Variants in GRIP1 observed in about 807,000 individuals in gnomAD.
GRIP1 encodes the protein glutamate receptor interacting protein 1.
GRIP1 carries 45 observed loss-of-function variants against 129.9 expected under a neutral mutation model. The ratio of observed to expected loss-of-function variants is 0.35; its 90% CI spans 0.27 to 0.44. The LOEUF is 0.44. GRIP1 is among the 20% of genes least tolerant of loss of function. The pLI is 1.00. For synonymous variants in GRIP1, 530 were observed against 520.8 expected (o/e 1.02, Z -0.24); for missense variants, 1,196 against 1,396.8 (o/e 0.86, Z 2.29).
chr12:66,940,324 C>T (rs2041564278), intron 1 of GRIP1, among the ~76,000 whole-genome samples: 1 of 152,098 alleles, frequency 6.6e-6, no homozygotes, highest in African/African-American at 2.4e-5. Context: ...GGATAATATG[C>T]ACCATGAAAT....
intron 1 of GRIP1, among the ~76,000 whole-genome samples, chr12:66,820,541 C>G (rs1168769415): frequency 6.6e-6 from 1 of 152,102 alleles, no homozygotes; most frequent in Non-Finnish European, 1.5e-5. Context: ...TGTCCATGTA[C>G]AAACCTGCAC....
rs116527561 is a variant in GRIP1, at chr12:66,415,891, A to T, written c.1838+4829T>A. On this transcript the variant is annotated intron_variant, in intron 15 of 24. Coordinates refer to ENST00000359742, the MANE Select transcript of GRIP1 (RefSeq NM_001366722.1). ...CGATGAGGACACATGGACACATTGG[A>T]AACAACAACATACACTGGGGCCTGT... Among the ~76,000 whole-genome samples, 1,019 of 152,176 alleles carry T rather than the reference A, an allele frequency of 6.7e-3. 11 individuals carry two copies. Among genetic ancestry groups the T allele is most frequent in the African/African-American group, 0.024 (979 of 41,504 alleles).
chr12:66,367,048 C>T (rs927120994), intron 23 of GRIP1, among the ~76,000 whole-genome samples: 3 of 152,256 alleles, frequency 2.0e-5, no homozygotes, highest in Admixed American at 6.5e-5. Context: ...TACAAAAAAT[C>T]GTTCTGCCTT....
chr12:66,378,486 A>C (rs1481280023), intron 20 of GRIP1, among the ~76,000 whole-genome samples: 1 of 147,630 alleles, frequency 6.8e-6, no homozygotes, highest in Non-Finnish European at 1.5e-5. Context: ...GGTGGCTCAC[A>C]CCTGTAATCC....
intron 1 of GRIP1, among the ~76,000 whole-genome samples, chr12:66,629,426 C>T (rs2030491311): frequency 6.6e-6 from 1 of 152,224 alleles, no homozygotes; most frequent in African/African-American, 2.4e-5. Context: ...AGCTCCTATA[C>T]TTCATCTCCG....
At chr12:66,778,511 T>A (rs2136770423) in intron 1 of GRIP1, among the ~76,000 whole-genome samples, 1 of 152,290 alleles carries the variant, frequency 6.6e-6, no homozygotes, top group Admixed American at 6.5e-5. Flanking sequence ...GCTGGATTTG[T>A]TTCTAGAGGA....
intron 14 of GRIP1, among the ~76,000 whole-genome samples, chr12:66,421,963 T>C (rs922666227): frequency 6.6e-6 from 1 of 152,172 alleles, no homozygotes; most frequent in Admixed American, 6.5e-5. Flanking sequence ...TCCTTAAAAT[T>C]AGCCATACCA....
chr12:67,061,446 T>C (rs1417593884), intron 1 of GRIP1, among the ~76,000 whole-genome samples: 3 of 152,216 alleles, frequency 2.0e-5, no homozygotes, highest in Admixed American at 6.5e-5. Flanking sequence ...GGAAAATGGC[T>C]AAGAGACAGA....
chr12:66,565,750 T>C (rs1433728539), intron 2 of GRIP1, among the ~76,000 whole-genome samples: 1 of 152,226 alleles, frequency 6.6e-6, no homozygotes, highest in Non-Finnish European at 1.5e-5. Context: ...ATTCTTCCTA[T>C]CCATGAGCAT....
intron 3 of GRIP1, among the ~76,000 whole-genome samples, chr12:66,540,577 A>G (rs2061744363): frequency 6.6e-6 from 1 of 152,200 alleles, no homozygotes; most frequent in Non-Finnish European, 1.5e-5. Flanking sequence ...AGCCTCCCTT[A>G]CAAACAATAA....
intron 1 of GRIP1, among the ~76,000 whole-genome samples, chr12:66,983,188 A>G (rs965241773): frequency 2.0e-5 from 3 of 152,214 alleles, no homozygotes; most frequent in Non-Finnish European, 2.9e-5. Context: ...TTGTTACAAA[A>G]GAAAAAGAAA....
At chr12:66,492,618 A>G (rs142041771) in intron 7 of GRIP1, among the ~76,000 whole-genome samples, 3 of 152,314 alleles carry the variant, frequency 2.0e-5, no homozygotes, top group Admixed American at 2.0e-4. Context: ...CATAAAATAA[A>G]TAAAATTTCC....
At chr12:67,054,037 C>T (rs937232362) in intron 1 of GRIP1, among the ~76,000 whole-genome samples, 17 of 152,196 alleles carry the variant, frequency 1.1e-4, no homozygotes, top group Admixed American at 1.0e-3. Context: ...CTATTTGTGG[C>T]AGGAGAGGAG....
chr12:66,620,459 T>C (rs1246408420), intron 1 of GRIP1, among the ~76,000 whole-genome samples: 1 of 152,090 alleles, frequency 6.6e-6, no homozygotes, highest in East Asian at 1.9e-4. Context: ...CATTCCTGAG[T>C]AGGCTGCTTT....
chr12:66,916,835 C>T (rs1183606441), intron 1 of GRIP1, among the ~76,000 whole-genome samples: 1 of 152,104 alleles, frequency 6.6e-6, no homozygotes, highest in Non-Finnish European at 1.5e-5. Context: ...GATTGAAAGG[C>T]ATTTACCCTA....
chr12:66,404,747 T>C (rs1024770886), intron 16 of GRIP1, among the ~76,000 whole-genome samples: 2 of 152,156 alleles, frequency 1.3e-5, no homozygotes, highest in African/African-American at 4.8e-5. Context: ...GGCAAAAATC[T>C]ATGGCCAGGC....
intron 1 of GRIP1, among the ~76,000 whole-genome samples, chr12:66,661,459 C>CAAA (rs576128556): frequency 4.6e-5 from 2 of 43,214 alleles, no homozygotes; most frequent in African/African-American, 6.9e-5. Context: ...TAGATTTTGG[C>CAAA]AAAAAAAAAA....
rs2056640199 is a variant in GRIP1, at chr12:66,392,748, A to C, written c.2198T>G (p.Leu733Arg). The C allele has an allele frequency of 6.2e-7, 1 of 1,613,816 alleles. No individual in the cohort carries two copies. The highest frequency in any genetic ancestry group is 1.1e-5 in the South Asian group (1 of 91,084). The part of the protein sequence containing the change: ...INSSSLKGKP[L>R]SEAIHLLQMA... ...CTGTAACAAATGGATGGCTTCACTC[A>C]GAGGCTTCCCTTTCAAGCTGCTGCT... The change falls in exon 18 of 25, where the codon CTG becomes CGG. Residue 733 changes from leucine to arginine, a missense_variant. By Grantham distance (102) the Leu-to-Arg change is moderately radical. Around this residue, in one of 5 missense-constraint regions of GRIP1, gnomAD observed 28 missense variants for 78.1 expected, o/e 0.36. Transcript: ENST00000359742.
intron 17 of GRIP1, among the ~76,000 whole-genome samples, chr12:66,393,762 T>C (rs917780106): frequency 4.6e-5 from 7 of 152,168 alleles, no homozygotes; most frequent in African/African-American, 1.7e-4. Flanking sequence ...GGTTATACAC[T>C]TTGTTTCCCA....
Sources: gnomAD v4.1 joint callset for allele counts (sites outside exome capture counted in the v4.1 genomes callset) on GRCh38, gnomAD v4.1.1 for gene constraint, gnomAD v4.1.1 regional missense constraint, MANE v1.5 for transcripts, NCBI Gene and HGNC (gene_info 2026-07-23, HGNC 2026-07-21) for gene names.